The following RCOR1 variants were observed in gnomAD, a reference collection of about 807,000 sequenced individuals.
The protein encoded by RCOR1 is REST corepressor 1, also known as REST corepressor.
In RCOR1, 12 loss-of-function variants were observed where a neutral mutation model predicts 64.0. That is an observed-to-expected ratio of 0.19 (90% CI 0.12 to 0.30). The LOEUF (loss-of-function observed/expected upper bound fraction) is 0.30, where lower values mean the gene tolerates loss of function less well. Among genes scored for constraint, RCOR1 ranks in the 10% least tolerant of loss-of-function variants. RCOR1 has a pLI of 1.00. For missense variants in RCOR1, 502 were observed against 621.2 expected (o/e 0.81, Z 2.04); for synonymous variants, 279 against 227.2 (o/e 1.23, Z -2.05).
intron 4 of RCOR1, among the ~76,000 whole-genome samples, chr14:102,702,614 G>A (rs1402434169): frequency 1.3e-5 from 2 of 152,090 alleles, no homozygotes; most frequent in African/African-American, 4.8e-5. Context: ...GAACTATGCT[G>A]GTTCTGTGAC....
chr14:102,722,518 C>T, intron 11 of RCOR1, 102 bp downstream of exon 11: 9 of 899,498 alleles, frequency 1.0e-5, no homozygotes, highest in African/African-American at 1.7e-5. Flanking sequence ...TTTTAGGTAT[C>T]AGCTGTATTA....
chr14:102,614,779 A>G (rs1488799675), intron 2 of RCOR1, among the ~76,000 whole-genome samples: 2 of 152,092 alleles, frequency 1.3e-5, no homozygotes, highest in Admixed American at 6.6e-5. Flanking sequence ...AAATTTTTTG[A>G]TATACAGCTC....
At chr14:102,650,748 A>G (rs192170668) in intron 2 of RCOR1, among the ~76,000 whole-genome samples, 1,542 of 152,310 alleles carry the variant, frequency 0.01, 15 homozygotes, top group Admixed American at 0.015. Context: ...TTATTCTGCA[A>G]TTGTTATATA....
chr14:102,699,118 T>C (rs1434270196), intron 3 of RCOR1, among the ~76,000 whole-genome samples: 1 of 152,146 alleles, frequency 6.6e-6, no homozygotes, highest in Non-Finnish European at 1.5e-5. Flanking sequence ...ATCTCTTGAC[T>C]TCGTGATCCA....
intron 2 of RCOR1, chr14:102,659,003 C>A: frequency 1.9e-6 from 1 of 528,078 alleles, no homozygotes; most frequent in Non-Finnish European, 2.4e-6. Context: ...TAAGTCCAAC[C>A]TACACTCAAG....
intron 3 of RCOR1, among the ~76,000 whole-genome samples, chr14:102,686,497 T>A (rs1895422960): frequency 6.6e-6 from 1 of 152,230 alleles, no homozygotes; most frequent in Non-Finnish European, 1.5e-5. Flanking sequence ...TCTTGTGTTG[T>A]ATGTTCTGTG....
intron 2 of RCOR1, among the ~76,000 whole-genome samples, chr14:102,646,835 G>A (rs1407133224): frequency 1.3e-5 from 2 of 152,208 alleles, no homozygotes; most frequent in Admixed American, 6.5e-5. Context: ...ACACACGTGC[G>A]CTCACACACA....
At chr14:102,698,105 T>C (rs911126811) in intron 3 of RCOR1, among the ~76,000 whole-genome samples, 4 of 152,252 alleles carry the variant, frequency 2.6e-5, no homozygotes, top group Non-Finnish European at 2.9e-5. Flanking sequence ...AGATGTCCTA[T>C]ATAACCTCAG....
intron 2 of RCOR1, among the ~76,000 whole-genome samples, chr14:102,605,456 C>G (rs1162247070): frequency 6.6e-6 from 1 of 152,186 alleles, no homozygotes; most frequent in South Asian, 2.1e-4. Context: ...GACAGTGGTC[C>G]CATAAGATTA....
At chr14:102,614,441 G>T (rs938600838) in intron 2 of RCOR1, among the ~76,000 whole-genome samples, 2 of 149,680 alleles carry the variant, frequency 1.3e-5, no homozygotes, top group Admixed American at 6.7e-5. Flanking sequence ...AGCCAGCATG[G>T]TCTCGATCTC....
intron 7 of RCOR1, 118 bp from the exon 8 acceptor site, chr14:102,714,305 G>A (rs1896019915): frequency 4.9e-6 from 3 of 613,934 alleles, no homozygotes; most frequent in East Asian, 2.8e-5. Flanking sequence ...ATTTGGTTCT[G>A]ATAGGGCATG....
At chr14:102,686,582 C>T (rs1275357854) in intron 3 of RCOR1, among the ~76,000 whole-genome samples, 1 of 152,230 alleles carries the variant, frequency 6.6e-6, no homozygotes, top group African/African-American at 2.4e-5. Context: ...AACCTCTGTG[C>T]TCCACCTGTT....
At chr14:102,676,881 C>T (rs1280711634) in intron 2 of RCOR1, among the ~76,000 whole-genome samples, 11 of 100,540 alleles carry the variant, frequency 1.1e-4, no homozygotes, top group Non-Finnish European at 2.0e-4. Flanking sequence ...CCCTCCTGGA[C>T]GGGGCGGCTG....
intron 2 of RCOR1, among the ~76,000 whole-genome samples, chr14:102,676,379 G>A (rs1895155529): frequency 1.4e-5 from 2 of 142,462 alleles, no homozygotes; most frequent in African/African-American, 2.7e-5. Context: ...GCGGCTGGCC[G>A]GGCAGAGGGG....
At chr14:102,722,458 C>A in intron 11 of RCOR1, 42 bp downstream of exon 11, 2 of 1,483,224 alleles carry the variant, frequency 1.3e-6, no homozygotes, top group Non-Finnish European at 1.9e-6. Context: ...GTCAGGTTCA[C>A]GCTTGATACT....
In RCOR1 at chr14:102,665,513, A is replaced by G. The variant is rs78113035; in HGVS notation, c.362-16382A>G. ...GGACTAACACTGTTGTAAGCTGAGG[A>G]GCATCTGTATGTACCAGGTACTTAA... is the stretch of plus-strand genomic sequence containing the variant. On this transcript the variant is annotated intron_variant, in intron 2 of 11. Transcript: ENST00000262241. Among the ~76,000 whole-genome samples, 1,420 of 152,212 alleles carry G rather than the reference A, an allele frequency of 9.3e-3. 24 individuals are homozygous for G. Among genetic ancestry groups the G allele is most frequent in the African/African-American group, 0.032 (1,344 of 41,520 alleles).
chr14:102,657,201 T>C, intron 2 of RCOR1: 1 of 985,338 alleles, frequency 1.0e-6, no homozygotes, highest in Non-Finnish European at 1.2e-6. Context: ...TGCAAAGTGT[T>C]GTGCCTCACG....
chr14:102,707,300 T>A, intron 4 of RCOR1, 51 bp from the exon 5 acceptor site: 17 of 1,404,064 alleles, frequency 1.2e-5, no homozygotes, highest in Non-Finnish European at 1.5e-5. Context: ...CTCATTTCCA[T>A]TTTCATTGTT....
chr14:102,695,221 G>A (rs145990252), intron 3 of RCOR1, among the ~76,000 whole-genome samples: 31 of 152,304 alleles, frequency 2.0e-4, no homozygotes, highest in African/African-American at 7.2e-4. Flanking sequence ...GCGTCCATCT[G>A]TTTCTTACCC....
Sources: gnomAD v4.1 joint callset for allele counts (sites outside exome capture counted in the v4.1 genomes callset) on GRCh38, gnomAD v4.1.1 for gene constraint, MANE v1.5 for transcripts, NCBI Gene and HGNC (gene_info 2026-07-23, HGNC 2026-07-21) for gene names.